FGGY: variants seen among roughly 807,000 people sequenced by gnomAD.
The protein encoded by FGGY is FGGY carbohydrate kinase domain containing.
In FGGY, 72 loss-of-function variants were observed where a neutral mutation model predicts 71.3. The ratio of observed to expected loss-of-function variants is 1.01; its 90% CI spans 0.84 to 1.23. FGGY has a LOEUF of 1.23. FGGY is among the 50% of genes most tolerant of loss of function. The pLI, the probability that FGGY is intolerant of heterozygous loss-of-function variation, is 0.00. For missense variants in FGGY, 668 were observed against 682.3 expected (o/e 0.98, Z 0.23); for synonymous variants, 251 against 250.3 (o/e 1.00, Z -0.02).
intron 6 of FGGY, among the ~76,000 whole-genome samples, chr1:59,464,583 C>A (rs2092486560): frequency 1.3e-5 from 2 of 152,030 alleles, no homozygotes; most frequent in African/African-American, 4.8e-5. Context: ...AATCTAGGAG[C>A]TGGTTTTTTG....
intron 5 of FGGY, among the ~76,000 whole-genome samples, chr1:59,439,998 CT>C (rs770950493): frequency 6.7e-6 from 1 of 148,450 alleles, no homozygotes; most frequent in Non-Finnish European, 1.5e-5. Flanking sequence ...GTGGTGGTAT[CT>C]TTTAAAGCCT....
intron 8 of FGGY, among the ~76,000 whole-genome samples, chr1:59,588,190 A>G (rs2096349720): frequency 6.6e-6 from 1 of 152,234 alleles, no homozygotes; most frequent in African/African-American, 2.4e-5. Context: ...AAGAAAGGGT[A>G]TCAGGGATGG....
At chr1:59,489,105 A>G (rs1003362859) in intron 6 of FGGY, among the ~76,000 whole-genome samples, 3 of 152,114 alleles carry the variant, frequency 2.0e-5, no homozygotes, top group African/African-American at 4.8e-5. Context: ...TTTTATTTTT[A>G]ATTGACGTTT....
intron 14 of FGGY, among the ~76,000 whole-genome samples, chr1:59,707,767 G>T (rs2097766943): frequency 6.6e-6 from 1 of 152,164 alleles, no homozygotes; most frequent in Non-Finnish European, 1.5e-5. Flanking sequence ...ACGAGAATCA[G>T]CAGATGATCA....
chr1:59,528,598 T>G (rs757420772), intron 7 of FGGY, among the ~76,000 whole-genome samples: 39 of 152,280 alleles, frequency 2.6e-4, no homozygotes, highest in Admixed American at 3.3e-4. Context: ...AAAGATAAAG[T>G]GTTAGGCTGT....
intron 5 of FGGY, among the ~76,000 whole-genome samples, chr1:59,425,896 G>A (rs889122597): frequency 1.3e-5 from 2 of 152,118 alleles, no homozygotes; most frequent in African/African-American, 4.8e-5. Context: ...TGATTTTTCA[G>A]TGTTTATTCC....
intron 4 of FGGY, among the ~76,000 whole-genome samples, chr1:59,358,480 A>G (rs921855982): frequency 6.6e-6 from 1 of 152,130 alleles, no homozygotes; most frequent in Non-Finnish European, 1.5e-5. Flanking sequence ...TGTGAAAGCC[A>G]TTACCCGCCC....
At chr1:59,722,986 A>G (rs2100688005) in intron 14 of FGGY, among the ~76,000 whole-genome samples, 1 of 152,156 alleles carries the variant, frequency 6.6e-6, no homozygotes, top group Middle Eastern at 3.4e-3. Flanking sequence ...TTTAGTAGAG[A>G]CGGGGTTTCA....
chr1:59,342,525 A>T (rs147077006), intron 3 of FGGY, among the ~76,000 whole-genome samples: 186 of 152,338 alleles, frequency 1.2e-3, no homozygotes, highest in African/African-American at 4.3e-3. Context: ...GTACCCATTC[A>T]TCAAATGCAT....
At chr1:59,384,387 T>C (rs2059839245) in intron 5 of FGGY, among the ~76,000 whole-genome samples, 1 of 152,142 alleles carries the variant, frequency 6.6e-6, no homozygotes, top group Admixed American at 6.5e-5. Flanking sequence ...TTTCTCTCTC[T>C]TATTTACTCA....
At chr1:59,512,948 G>A (rs112865114) in intron 7 of FGGY, among the ~76,000 whole-genome samples, 28 of 152,284 alleles carry the variant, frequency 1.8e-4, no homozygotes, top group African/African-American at 6.3e-4. Flanking sequence ...CACTTACCAT[G>A]TCCAGGCATG....
At chr1:59,373,244 C>G (rs1054751537) in intron 4 of FGGY, among the ~76,000 whole-genome samples, 45 of 152,128 alleles carry the variant, frequency 3.0e-4, no homozygotes, top group Non-Finnish European at 6.3e-4. Context: ...ACAAAAATCA[C>G]AAGCATTCTT....
At chr1:59,683,245 T>G (rs1432403703) in intron 14 of FGGY, among the ~76,000 whole-genome samples, 3 of 152,206 alleles carry the variant, frequency 2.0e-5, no homozygotes, top group Non-Finnish European at 2.9e-5. Flanking sequence ...CCAGAAAGTT[T>G]AAGTAATGTG....
intron 13 of FGGY, among the ~76,000 whole-genome samples, chr1:59,672,616 A>C (rs968286391): frequency 6.6e-6 from 1 of 152,078 alleles, no homozygotes; most frequent in African/African-American, 2.4e-5. Context: ...GGTATTCCTA[A>C]ATTCTCTGGG....
chr1:59,737,050 G>A (rs572814601), intron 14 of FGGY, among the ~76,000 whole-genome samples: 2 of 152,372 alleles, frequency 1.3e-5, no homozygotes, highest in South Asian at 4.1e-4. Flanking sequence ...TAGAGCTCAG[G>A]CCATGGCTTC....
At chr1:59,670,586 C>T (rs1424253107) in intron 13 of FGGY, among the ~76,000 whole-genome samples, 1 of 152,054 alleles carries the variant, frequency 6.6e-6, no homozygotes, top group Non-Finnish European at 1.5e-5. Context: ...TAGATCACTG[C>T]TGAGGAATAA....
chr1:59,311,853 T>C (rs1287407813), intron 1 of FGGY, among the ~76,000 whole-genome samples: 1 of 152,224 alleles, frequency 6.6e-6, no homozygotes, highest in African/African-American at 2.4e-5. Context: ...TTGAACTAAT[T>C]TGCATTCCCA....
intron 5 of FGGY, among the ~76,000 whole-genome samples, chr1:59,395,080 C>T (rs1256606430): frequency 6.6e-6 from 1 of 152,068 alleles, no homozygotes; most frequent in Non-Finnish European, 1.5e-5. Flanking sequence ...CAGTTACACA[C>T]TACTGTTTCA....
At chr1:59,615,599 G>A (rs1267513499) in intron 9 of FGGY, among the ~76,000 whole-genome samples, 3 of 152,172 alleles carry the variant, frequency 2.0e-5, no homozygotes, top group African/African-American at 7.2e-5. Flanking sequence ...AGGACTTCAT[G>A]ACTAAAACAT....
Sources: allele counts gnomAD v4.1 joint callset (sites outside exome capture counted in the v4.1 genomes callset), GRCh38; gene constraint gnomAD v4.1.1; transcripts MANE v1.5; gene names NCBI Gene and HGNC (gene_info 2026-07-23, HGNC 2026-07-21).